Variants in GBF1 observed in about 807,000 individuals in gnomAD.
GBF1 encodes the protein golgi brefeldin A resistant guanine nucleotide exchange factor 1.
A neutral mutation model predicts 210.5 loss-of-function variants in GBF1; 114 were observed. The ratio of observed to expected loss-of-function variants is 0.54; its 90% confidence interval spans 0.47 to 0.63. The LOEUF (loss-of-function observed/expected upper bound fraction) is 0.63. Among genes scored for constraint, GBF1 ranks in the 30% least tolerant of loss-of-function variants. The probability of loss-of-function intolerance (pLI) is 0.00; values close to 1 mark genes in which losing one functional copy is unlikely to be tolerated. For synonymous variants in GBF1, 850 were observed against 889.2 expected, an observed-to-expected ratio of 0.96 and a Z score of 0.78; for missense variants, 1,851 against 2,357.7, an observed-to-expected ratio of 0.79 and a Z score of 4.45.
chr10:102,302,529 C>G (rs1332427989), intron 3 of GBF1, among the ~76,000 whole-genome samples: 5 of 152,150 alleles, frequency 3.3e-5, no homozygotes, highest in Non-Finnish European at 7.3e-5. Context: ...GCTACTGGCC[C>G]TTAGGCAAGG....
intron 1 of GBF1, among the ~76,000 whole-genome samples, chr10:102,255,923 G>C (rs2072284963): frequency 6.6e-6 from 1 of 152,144 alleles, no homozygotes; most frequent in South Asian, 2.1e-4. Flanking sequence ...TTGTGGACTG[G>C]GGAGCTGTCA....
intron 23 of GBF1, 100 bp downstream of exon 23, chr10:102,368,932 C>G: frequency 1.3e-6 from 1 of 784,376 alleles, no homozygotes; most frequent in Non-Finnish European, 2.1e-6. Context: ...CCCTCAGCGT[C>G]TTCCCTCACT....
At position 102,366,287 on chromosome 10, in the gene GBF1, C is replaced by G. The variant is rs1589796149; in HGVS notation, c.2310-96C>G. On this transcript the variant is annotated intron_variant, in intron 18 of 39. Coordinates refer to ENST00000369983, the MANE Select transcript of GBF1 (RefSeq NM_001377137.1). The surrounding 1 kb of genome is among the most constrained non-coding windows in gnomAD (Gnocchi z 4.0). ...TTTACTAGAGACCTCAGCCTCCTCT[C>G]TTCCAGTAAGAGTAGGTTAGGAGGA... 1.5e-6 allele frequency: 2 copies of G among 1,354,826 alleles called. No individual in the cohort carries two copies. The highest frequency in any genetic ancestry group is 4.6e-5 in the East Asian group (2 of 43,128). The allele number at this position is 1,354,826 out of a possible 1,614,324, so 83.9% of individuals were successfully genotyped here.
intron 4 of GBF1, among the ~76,000 whole-genome samples, chr10:102,350,006 A>G (rs890161765): frequency 2.6e-5 from 4 of 152,124 alleles, no homozygotes; most frequent in African/African-American, 9.7e-5. Flanking sequence ...TAAGCTGGAA[A>G]CAGGATTCTT....
chr10:102,231,477 G>A, the GBF1 span: 1 of 716,126 alleles, frequency 1.4e-6, no homozygotes, highest in Admixed American at 2.6e-5. Context: ...CCAGGGTCCG[G>A]GGTCCGGGGT....
At position 102,361,157 on chromosome 10, in the gene GBF1, A is replaced by C. The variant is rs1478242739; in HGVS notation, c.1491+37A>C. 3.7e-6 allele frequency: 4 copies of C among 1,069,148 alleles called. No individual in the cohort carries two copies. The Admixed American group carries it at 5.1e-5, about 14-fold the overall frequency. 66.2% of individuals were successfully genotyped at this position (1,069,148 alleles called of 1,614,324 possible). On this transcript the variant is annotated intron_variant, in intron 13 of 39. Transcript: ENST00000369983. Reference sequence around the variant, plus strand: ...GATGTGGAAAGAAAAGGGGGAAAAAAAATAGGGAGATATATGGCATCTTCA... The same window carrying C: ...GATGTGGAAAGAAAAGGGGGAAAAACAATAGGGAGATATATGGCATCTTCA...
chr10:102,243,846 G>A (rs1035641881), upstream of GBF1, among the ~76,000 whole-genome samples: 18 of 152,038 alleles, frequency 1.2e-4, no homozygotes, highest in Non-Finnish European at 8.8e-5. Flanking sequence ...CTAGAGCATC[G>A]TGGCCAGGTG....
intron 3 of GBF1, among the ~76,000 whole-genome samples, chr10:102,323,057 G>C (rs1487060956): frequency 6.6e-6 from 1 of 152,022 alleles, no homozygotes; most frequent in African/African-American, 2.4e-5. Flanking sequence ...CCAGGGCCCA[G>C]CTGAACACCT....
At chr10:102,324,179 T>G (rs1180576462) in intron 3 of GBF1, among the ~76,000 whole-genome samples, 1 of 152,188 alleles carries the variant, frequency 6.6e-6, no homozygotes, top group Non-Finnish European at 1.5e-5. Flanking sequence ...CTCTCTCCCC[T>G]TAGTCTGAAG....
chr10:102,261,615 CTTTTT>C (rs10711743), intron 3 of GBF1, among the ~76,000 whole-genome samples: 10 of 116,088 alleles, frequency 8.6e-5, no homozygotes, highest in Admixed American at 6.3e-4. Context: ...TTCTTTCTTT[CTTTTT>C]TTTTTTTTTT....
chr10:102,316,735 T>C (rs1453170617), intron 3 of GBF1, among the ~76,000 whole-genome samples: 1 of 152,170 alleles, frequency 6.6e-6, no homozygotes, highest in African/African-American at 2.4e-5. Context: ...CCCAGAAAAT[T>C]TGAAGTTTGG....
At chr10:102,271,830 C>T (rs2074455870) in intron 3 of GBF1, among the ~76,000 whole-genome samples, 1 of 152,084 alleles carries the variant, frequency 6.6e-6, no homozygotes. Context: ...CAGCTCACCA[C>T]AGTCTCCACC....
chr10:102,380,209 C>A, intron 36 of GBF1, 40 bp from the exon 37 acceptor site: 2 of 1,360,620 alleles, frequency 1.5e-6, no homozygotes, highest in Non-Finnish European at 2.1e-6. Context: ...TCCAGAGGCT[C>A]CTACAGTCCC....
intron 1 of GBF1, among the ~76,000 whole-genome samples, chr10:102,250,792 A>G (rs1162338076): frequency 6.6e-6 from 1 of 152,172 alleles, no homozygotes; most frequent in Non-Finnish European, 1.5e-5. Flanking sequence ...CGCTGTCTCT[A>G]CTAAAAATAT....
chr10:102,381,036 C>G lies in GBF1; in HGVS notation c.5174-91C>G. The G allele has an allele frequency of 2.4e-6, 3 of 1,255,748 alleles. No homozygotes were observed. The South Asian group carries it at 4.0e-5, about 17-fold the overall frequency. 77.8% of individuals were successfully genotyped at this position (1,255,748 alleles called of 1,614,324 possible). ...CAAAGCTGAATTTATTGTCTGTGCC[C>G]TGGGTGGGTAGAAAGGCTGTTGGGT... On this transcript the variant is annotated intron_variant, in intron 38 of 39. Coordinates refer to ENST00000369983, the MANE Select transcript of GBF1 (RefSeq NM_001377137.1).
chr10:102,294,101 A>G (rs2076712084), intron 3 of GBF1, among the ~76,000 whole-genome samples: 1 of 152,024 alleles, frequency 6.6e-6, no homozygotes, highest in Non-Finnish European at 1.5e-5. Flanking sequence ...TTTTAAGCTA[A>G]GTATTATTAT....
intron 2 of GBF1, among the ~76,000 whole-genome samples, 195 bp downstream of exon 2, chr10:102,259,229 A>T (rs570100333): frequency 1.3e-5 from 2 of 152,328 alleles, no homozygotes; most frequent in South Asian, 4.1e-4. Flanking sequence ...GACCCAAAAG[A>T]TGACACCATT....
chr10:102,306,003 A>G (rs2077827543), intron 3 of GBF1, among the ~76,000 whole-genome samples: 1 of 152,196 alleles, frequency 6.6e-6, no homozygotes, highest in South Asian at 2.1e-4. Flanking sequence ...GGTAGGTTGG[A>G]TTCATGTTGT....
intron 4 of GBF1, 99 bp from the exon 5 acceptor site, chr10:102,351,157 C>A: frequency 1.4e-6 from 1 of 694,496 alleles, no homozygotes; most frequent in Non-Finnish European, 2.5e-6. Flanking sequence ...GGTTAGGGAA[C>A]TGAAGAGGAA....
Sources: allele counts gnomAD v4.1 joint callset (sites outside exome capture counted in the v4.1 genomes callset), GRCh38; gene constraint gnomAD v4.1.1; non-coding constraint Gnocchi (gnomAD v3.1); transcripts MANE v1.5; gene names NCBI Gene and HGNC (gene_info 2026-07-23, HGNC 2026-07-21).